RFPL4B: variants seen among roughly 807,000 people sequenced by gnomAD.
RFPL4B encodes the protein ret finger protein-like 4B.
For missense variants in RFPL4B, 314 were observed against 327.7 expected, an observed-to-expected ratio of 0.96 and a Z score of 0.32; for synonymous variants, 118 against 126.3, an observed-to-expected ratio of 0.93 and a Z score of 0.44.
rs1375899269 is a variant in RFPL4B, at chr6:112,350,677, T to C, written c.*177T>C. Reference sequence around the variant, plus strand: ...TTTCGGATTTTTGGGGTAAATTTTGTGGAATTTGTAGCTAGGTAACTGGGG... The same window carrying C: ...TTTCGGATTTTTGGGGTAAATTTTGCGGAATTTGTAGCTAGGTAACTGGGG... On this transcript the variant is annotated 3_prime_UTR_variant, in exon 3 of 3. Coordinates refer to ENST00000441065, the MANE Select transcript of RFPL4B (RefSeq NM_001013734.3). The C allele has an allele frequency of 3.8e-5, 22 of 572,152 alleles. No individual in the cohort carries two copies. The highest frequency in any genetic ancestry group is 6.1e-5 in the Non-Finnish European group (20 of 326,190). 35.4% of individuals were successfully genotyped at this position (572,152 alleles called of 1,614,324 possible). A position where few individuals can be genotyped will look rare whatever the true frequency, so the allele number is the denominator to read the frequency against.
chr6:112,350,149 C>A lies in RFPL4B; in HGVS notation c.441C>A (p.Tyr147Ter). The A allele has an allele frequency of 3.1e-6, 5 of 1,614,202 alleles. No homozygotes were observed. The highest frequency in any genetic ancestry group is 4.2e-6 in the Non-Finnish European group (5 of 1,180,040). ...CCTGCTTCTCCTCCGGCCAACATTACTGGGAGGTTGAAGTGGGAGAGGTGA... is the reference window on the plus strand; with the variant it reads ...CCTGCTTCTCCTCCGGCCAACATTAATGGGAGGTTGAAGTGGGAGAGGTGA... ...GTPCFSSGQH[Y>*]WEVEVGEVKS... Residue 147 changes from tyrosine to a stop codon, truncating the protein, a stop_gained, in exon 3 of 3, where the codon TAC becomes TAA. Transcript: ENST00000441065. LOFTEE classifies it low-confidence loss of function (END_TRUNC).
At position 112,350,226 on chromosome 6, in the gene RFPL4B, A is replaced by C. The variant is rs776583206; in HGVS notation, c.518A>C (p.Asp173Ala). ...GAGCCGGCTGACAGAAAGAGCAATG[A>C]TTTATTCCCTGAGCATGGCTTCTGG... ...CKEPADRKSN[D>A]LFPEHGFWIS... Residue 173 changes from aspartate to alanine, a missense_variant, in exon 3 of 3, where the codon GAT (aspartate) becomes GCT (alanine). Transcript: ENST00000441065. 1 of 1,614,162 alleles carries C rather than the reference A, an allele frequency of 6.2e-7. No homozygotes were observed. Among genetic ancestry groups the C allele is most frequent in the South Asian group, 1.1e-5 (1 of 91,080 alleles).
chr6:112,350,531 G>C lies in RFPL4B; in HGVS notation c.*31G>C, dbSNP rs758733533. The C allele has an allele frequency of 1.3e-6, 2 of 1,521,906 alleles. No individual in the cohort carries two copies. The highest frequency in any genetic ancestry group is 1.8e-6 in the Non-Finnish European group (2 of 1,132,892). The allele number at this position is 1,521,906 out of a possible 1,614,324, so 94.3% of individuals were successfully genotyped here. A position where few individuals can be genotyped will look rare whatever the true frequency, so the allele number is the denominator to read the frequency against. On this transcript the variant is annotated 3_prime_UTR_variant, in exon 3 of 3. Coordinates refer to ENST00000441065, the MANE Select transcript of RFPL4B (RefSeq NM_001013734.3). ...TCAGCCCTTCCTAGAAGCTTTCTGA[G>C]AGGTGAAAGAGAATTTTGGCCTGAG...
chr6:112,348,250 A>G (rs1265973243), intron 1 of RFPL4B, among the ~76,000 whole-genome samples: 2 of 152,196 alleles, frequency 1.3e-5, no homozygotes, highest in Admixed American at 6.5e-5. Context: ...TGAAAAAGAT[A>G]ACAGAATTTA....
At position 112,350,338 on chromosome 6, in the gene RFPL4B, C is replaced by T. The variant is rs1212322498; in HGVS notation, c.630C>T (p.Phe210=). The T allele has an allele frequency of 6.2e-7, 1 of 1,614,132 alleles. No homozygotes were observed. Among genetic ancestry groups the T allele is most frequent in the African/African-American group, 1.3e-5 (1 of 74,950 alleles). ...CTCGCCTTCGCCGTGTGGGAATTTTCCTGGATGCTGACTTAGAAGAAATCC... is the reference window on the plus strand; with the variant it reads ...CTCGCCTTCGCCGTGTGGGAATTTTTCTGGATGCTGACTTAGAAGAAATCC... The part of the protein sequence containing the change: ...ASPRLRRVGI[F]LDADLEEIQF... The change falls in exon 3 of 3, where the codon TTC becomes TTT. Residue 210 remains phenylalanine (F), a synonymous_variant. Coordinates refer to ENST00000441065, the MANE Select transcript of RFPL4B (RefSeq NM_001013734.3).
At chr6:112,349,114 T>C (rs1180314534) in intron 1 of RFPL4B, 79 bp from the exon 2 acceptor site, 1 of 152,228 alleles carries the variant, frequency 6.6e-6, no homozygotes, top group East Asian at 1.9e-4. Flanking sequence ...AGAGTCACTT[T>C]TCTGTGATGA....
In RFPL4B at chr6:112,350,184, C is replaced by T. The variant is rs758100911; in HGVS notation, c.476C>T (p.Ser159Phe). 1 of 1,614,168 alleles carries T rather than the reference C, an allele frequency of 6.2e-7. No individual in the cohort carries two copies. The stretch of plus-strand genomic sequence containing the variant: ...GAAGTGGGAGAGGTGAAGTCATGGT[C>T]CCTGGGCGTCTGCAAGGAGCCGGCT... ...EVEVGEVKSW[S>F]LGVCKEPADR... The change falls in exon 3 of 3, where the codon TCC becomes TTC. Residue 159 changes from serine to phenylalanine, a missense_variant. By Grantham distance (155) the Ser-to-Phe change is radical (BLOSUM62 -2). Transcript: ENST00000441065.
rs566509839 is a variant in RFPL4B at position 112,350,437 on chromosome 6, A to T, written c.729A>T (p.Pro243=). The change falls in exon 3 of 3, where the codon CCA becomes CCT. Residue 243 remains proline, a synonymous_variant. Transcript: ENST00000441065. ...TCTTCTCTTTGGAGCTTTTGTGTCCATTCTTCTGTCTTGAGCTCTTGGGAG... is the reference window on the plus strand; with the variant it reads ...TCTTCTCTTTGGAGCTTTTGTGTCCTTTCTTCTGTCTTGAGCTCTTGGGAG... ...DGFFSLELLC[P]FFCLELLGEG... 1 of 1,612,956 alleles carries T rather than the reference A, an allele frequency of 6.2e-7. No individual in the cohort carries two copies. Among genetic ancestry groups the T allele is most frequent in the African/African-American group, 1.3e-5 (1 of 74,898 alleles).
chr6:112,349,672 A>C lies in RFPL4B; in HGVS notation c.-37A>C, dbSNP rs1475192414. 5 of 1,585,784 alleles carry C rather than the reference A, an allele frequency of 3.2e-6. No homozygotes were observed. The highest frequency in any genetic ancestry group is 4.3e-6 in the Non-Finnish European group (5 of 1,161,448). On this transcript the variant is annotated 5_prime_UTR_variant, in exon 3 of 3. Coordinates refer to ENST00000441065, the MANE Select transcript of RFPL4B (RefSeq NM_001013734.3). ...CCAGAAGCCAATAAAGGATCACTTC[A>C]GTTTACTTCACGGCTAAGGAGTAAC...
In RFPL4B at chr6:112,350,803, C is replaced by A; in HGVS notation, c.*303C>A. ...ACAGCTGTGGTAATTAGAGACAATA[C>A]TATGCCTTTGTCTTATAGTAAATAA... On this transcript the variant is annotated 3_prime_UTR_variant, in exon 3 of 3. Transcript: ENST00000441065. 1 of 277,912 alleles carries A rather than the reference C, an allele frequency of 3.6e-6. No individual in the cohort carries two copies. The highest frequency in any genetic ancestry group is 7.2e-6 in the Non-Finnish European group (1 of 138,066). The allele number at this position is 277,912 out of a possible 1,614,324, so 17.2% of individuals were successfully genotyped here. A position where few individuals can be genotyped will look rare whatever the true frequency, so the allele number is the denominator to read the frequency against.
rs1789150631 is a variant in RFPL4B at position 112,351,225 on chromosome 6, G to T, written c.*725G>T. The T allele has an allele frequency of 6.0e-6, 1 of 166,746 alleles. No homozygotes were observed. The highest frequency in any genetic ancestry group is 1.5e-5 in the Non-Finnish European group (1 of 68,082). The allele number at this position is 166,746 out of a possible 1,614,324, so 10.3% of individuals were successfully genotyped here. ...AACTAACACATATTCATCAAAAATT[G>T]TTTTCAAGGTTGCTTTTGGATTTTT... On this transcript the variant is annotated 3_prime_UTR_variant, in exon 3 of 3. Coordinates refer to ENST00000441065, the MANE Select transcript of RFPL4B (RefSeq NM_001013734.3).
Position 112,349,640 on chromosome 6 carries a change from A to C in RFPL4B, c.-69A>C. The C allele has an allele frequency of 7.4e-7, 1 of 1,358,510 alleles. No homozygotes were observed. Among genetic ancestry groups the C allele is most frequent in the Non-Finnish European group, 1.0e-6 (1 of 970,226 alleles). The allele number at this position is 1,358,510 out of a possible 1,614,324, so 84.2% of individuals were successfully genotyped here. A position where few individuals can be genotyped will look rare whatever the true frequency, so the allele number is the denominator to read the frequency against. On this transcript the variant is annotated 5_prime_UTR_variant, in exon 3 of 3. Transcript: ENST00000441065. ...GTGGATTGTGTACTGAGGGCTCCCA[A>C]GTGCTTCCAGAAGCCAATAAAGGAT...
chr6:112,349,642 T>G lies in RFPL4B; in HGVS notation c.-67T>G. 1 of 1,378,066 alleles carries G rather than the reference T, an allele frequency of 7.3e-7. No homozygotes were observed. Among genetic ancestry groups the G allele is most frequent in the Non-Finnish European group, 1.0e-6 (1 of 987,468 alleles). 85.4% of individuals were successfully genotyped at this position (1,378,066 alleles called of 1,614,324 possible). A position where few individuals can be genotyped will look rare whatever the true frequency, so the allele number is the denominator to read the frequency against. ...GGATTGTGTACTGAGGGCTCCCAAG[T>G]GCTTCCAGAAGCCAATAAAGGATCA... is the stretch of plus-strand genomic sequence containing the variant. On this transcript the variant is annotated 5_prime_UTR_variant, in exon 3 of 3. Transcript: ENST00000441065.
Position 112,350,017 on chromosome 6 carries a change from T to G in RFPL4B, c.309T>G (p.Thr103=). Residue 103 remains threonine, a synonymous_variant, in exon 3 of 3, where the codon ACT becomes ACG. Coordinates refer to ENST00000441065, the MANE Select transcript of RFPL4B (RefSeq NM_001013734.3). ...AGGATGTGACCCTGGATGCAGCCAC[T>G]GCCAGCTCCCTCCTTGTCTTCTCCA... is the stretch of plus-strand genomic sequence containing the variant. ...FREDVTLDAA[T]ASSLLVFSND... is the part of the protein sequence containing the mutation. 1.2e-6 allele frequency: 2 copies of G among 1,614,216 alleles called. No individual in the cohort carries two copies. The highest frequency in any genetic ancestry group is 1.7e-6 in the Non-Finnish European group (2 of 1,180,040).
At position 112,350,170 on chromosome 6, in the gene RFPL4B, G is replaced by A; in HGVS notation, c.462G>A (p.Glu154=). 6.2e-7 allele frequency: 1 copy of A among 1,614,208 alleles called. No individual in the cohort carries two copies. The highest frequency in any genetic ancestry group is 8.5e-7 in the Non-Finnish European group (1 of 1,180,048). Reference sequence around the variant, plus strand: ...ATTACTGGGAGGTTGAAGTGGGAGAGGTGAAGTCATGGTCCCTGGGCGTCT... The same window carrying A: ...ATTACTGGGAGGTTGAAGTGGGAGAAGTGAAGTCATGGTCCCTGGGCGTCT... ...GQHYWEVEVG[E]VKSWSLGVCK... is the part of the protein sequence containing the mutation. The change falls in exon 3 of 3, where the codon GAG becomes GAA. Residue 154 remains glutamate, a synonymous_variant. Transcript: ENST00000441065.
At position 112,350,663 on chromosome 6, in the gene RFPL4B, T is replaced by G. The variant is rs1477845135; in HGVS notation, c.*163T>G. The G allele has an allele frequency of 3.8e-5, 23 of 600,912 alleles. No homozygotes were observed. Among genetic ancestry groups the G allele is most frequent in the Non-Finnish European group, 5.9e-5 (21 of 354,496 alleles). 37.2% of individuals were successfully genotyped at this position (600,912 alleles called of 1,614,324 possible). On this transcript the variant is annotated 3_prime_UTR_variant, in exon 3 of 3. Coordinates refer to ENST00000441065, the MANE Select transcript of RFPL4B (RefSeq NM_001013734.3). Reference sequence around the variant, plus strand: ...TGTAGCAAAACAATTTTCGGATTTTTGGGGTAAATTTTGTGGAATTTGTAG... The same window carrying G: ...TGTAGCAAAACAATTTTCGGATTTTGGGGGTAAATTTTGTGGAATTTGTAG...
At chr6:112,348,007 A>G (rs1229230864) in intron 1 of RFPL4B, among the ~76,000 whole-genome samples, 1 of 152,048 alleles carries the variant, frequency 6.6e-6, no homozygotes. Flanking sequence ...TCGGGTTTTC[A>G]CTTAAATATA....
chr6:112,349,266 T>C lies in RFPL4B; in HGVS notation c.-161T>C, dbSNP rs908049471. ...AAGACCCACTTGAATTCAGCCCCCATTAGGAGAAACTTTGGCCGGAGCAGC... is the reference window on the plus strand; with the variant it reads ...AAGACCCACTTGAATTCAGCCCCCACTAGGAGAAACTTTGGCCGGAGCAGC... On this transcript the variant is annotated 5_prime_UTR_variant, in exon 2 of 3. Coordinates refer to ENST00000441065, the MANE Select transcript of RFPL4B (RefSeq NM_001013734.3). 6.6e-6 allele frequency: 1 copy of C among 152,372 alleles called. No homozygotes were observed. The highest frequency in any genetic ancestry group is 2.4e-5 in the African/African-American group (1 of 41,442). 9.4% of individuals were successfully genotyped at this position (152,372 alleles called of 1,614,324 possible). A position where few individuals can be genotyped will look rare whatever the true frequency, so the allele number is the denominator to read the frequency against.
At position 112,350,733 on chromosome 6, in the gene RFPL4B, T is replaced by G; in HGVS notation, c.*233T>G. 1 of 443,252 alleles carries G rather than the reference T, an allele frequency of 2.3e-6. No individual in the cohort carries two copies. The allele number at this position is 443,252 out of a possible 1,614,324, so 27.5% of individuals were successfully genotyped here. A position where few individuals can be genotyped will look rare whatever the true frequency, so the allele number is the denominator to read the frequency against. On this transcript the variant is annotated 3_prime_UTR_variant, in exon 3 of 3. Coordinates refer to ENST00000441065, the MANE Select transcript of RFPL4B (RefSeq NM_001013734.3). The stretch of plus-strand genomic sequence containing the variant: ...AGGGATGTTATTAAGTACTGTAAGC[T>G]TCAGTTTTCTAGTCTGTAGATGCGG...
Sources: allele counts gnomAD v4.1 joint callset (sites outside exome capture counted in the v4.1 genomes callset), GRCh38; gene constraint gnomAD v4.1.1; transcripts MANE v1.5; gene names NCBI Gene and HGNC (gene_info 2026-07-23, HGNC 2026-07-21).